Variants in USP24 observed in about 807,000 individuals in gnomAD.
USP24 encodes the protein ubiquitin specific peptidase 24.
In USP24, 97 loss-of-function variants were observed where a neutral mutation model predicts 361.6. That is an observed-to-expected ratio of 0.27 (90% confidence interval 0.23 to 0.32). The LOEUF (loss-of-function observed/expected upper bound fraction) is 0.32. USP24 is among the 10% of genes least tolerant of loss of function. The probability of loss-of-function intolerance (pLI) is 1.00; values close to 1 mark genes in which losing one functional copy is unlikely to be tolerated. For synonymous variants in USP24, 1,098 were observed against 1,124.6 expected, an observed-to-expected ratio of 0.98 and a Z score of 0.47; for missense variants, 2,353 against 3,165.6, an observed-to-expected ratio of 0.74 and a Z score of 6.16.
chr1:55,128,885 T>A (rs1646513698), intron 32 of USP24, among the ~76,000 whole-genome samples: 1 of 151,848 alleles, frequency 6.6e-6, no homozygotes, highest in South Asian at 2.1e-4. Flanking sequence ...CAACTATTTT[T>A]TTATTTTTAT....
chr1:55,204,748 T>C (rs142721702), intron 1 of USP24, among the ~76,000 whole-genome samples: 16 of 152,340 alleles, frequency 1.1e-4, no homozygotes, highest in African/African-American at 3.8e-4. Context: ...TTCTAACATC[T>C]AGCTCAGTGC....
Position 55,068,023 on chromosome 1 carries a change from A to C in USP24, c.*1022T>G, listed in dbSNP as rs983353444. 2.6e-5 allele frequency: 4 copies of C among 152,266 alleles called. No individual in the cohort carries two copies. The highest frequency in any genetic ancestry group is 9.6e-5 in the African/African-American group (4 of 41,474). The allele number at this position is 152,266 out of a possible 1,614,324, so 9.4% of individuals were successfully genotyped here. A position where few individuals can be genotyped will look rare whatever the true frequency, so the allele number is the denominator to read the frequency against. On this transcript the variant is annotated 3_prime_UTR_variant, in exon 68 of 68. Transcript: ENST00000294383. ...AATTCTCAAATTCCTTCTCTGCATT[A>C]CAATAACTATGAAACTCACAAGCAG...
chr1:55,214,972 G>A lies in USP24; in HGVS notation c.142C>T (p.Leu48Phe), dbSNP rs1209839159. 6.9e-7 allele frequency: 1 copy of A among 1,440,074 alleles called. No homozygotes were observed. Among genetic ancestry groups the A allele is most frequent in the Non-Finnish European group, 9.1e-7 (1 of 1,093,028 alleles). 89.2% of individuals were successfully genotyped at this position (1,440,074 alleles called of 1,614,324 possible). ...ATGGGCTCGTAGCCGCCGTAGTCGAGGCCCGGCCGCTCGTTGGTGAGCAGT... is the reference window on the plus strand; with the variant it reads ...ATGGGCTCGTAGCCGCCGTAGTCGAAGCCCGGCCGCTCGTTGGTGAGCAGT... Reference protein sequence around the residue: ...VALLTNERPGLDYGGYEPMDS... With the variant: ...VALLTNERPGFDYGGYEPMDS... The change falls in exon 1 of 68, where the codon CTC becomes TTC. Residue 48 changes from leucine to phenylalanine, a missense_variant. Physicochemically the swap from Leu to Phe is conservative, Grantham distance 22 (BLOSUM62 0). This residue lies in a region of USP24 where 253 missense variants were observed against 255.3 expected (regional missense o/e 0.99). Transcript: ENST00000294383.
intron 2 of USP24, 33 bp downstream of exon 2, chr1:55,177,934 T>C (rs1048503171): frequency 1.3e-6 from 2 of 1,531,530 alleles, no homozygotes; most frequent in Non-Finnish European, 1.8e-6. Flanking sequence ...ATGAAACAAA[T>C]GTCCTCATGT....
rs763624535 is a variant in USP24, at chr1:55,171,571, T to C, written c.810A>G (p.Val270=). 1.9e-6 allele frequency: 3 copies of C among 1,610,988 alleles called. No homozygotes were observed. In the Admixed American group the frequency reaches 5.0e-5, roughly 27 times the overall value. ...TGATGTTTACCTTTTGGAAAGTCGA[T>C]ACAGGTGAAACAGCAAACATATTTC... ...GEGNMFAVSP[V]STFQKEPHGW... Residue 270 remains valine, a synonymous_variant, in exon 5 of 68, where the codon GTA becomes GTG. Transcript: ENST00000294383.
chr1:55,196,433 C>T (rs1644418285), intron 1 of USP24, among the ~76,000 whole-genome samples: 1 of 152,170 alleles, frequency 6.6e-6, no homozygotes, highest in Admixed American at 6.5e-5. Flanking sequence ...TAAGAATTGA[C>T]TGTGTTGGGT....
At chr1:55,151,372 G>T (rs1181076371) in intron 16 of USP24, among the ~76,000 whole-genome samples, 1 of 152,126 alleles carries the variant, frequency 6.6e-6, no homozygotes, top group Non-Finnish European at 1.5e-5. Flanking sequence ...TCTGTACTGA[G>T]GACATCTTGC....
chr1:55,094,317 A>T (rs1313406752), intron 51 of USP24, among the ~76,000 whole-genome samples: 1 of 152,230 alleles, frequency 6.6e-6, no homozygotes, highest in East Asian at 1.9e-4. Flanking sequence ...ATTATAGAAG[A>T]TAAAATAGTG....
intron 32 of USP24, among the ~76,000 whole-genome samples, chr1:55,128,567 A>C (rs1317564425): frequency 1.3e-5 from 2 of 152,036 alleles, no homozygotes; most frequent in African/African-American, 4.8e-5. Context: ...TTCTAGGTAA[A>C]TAATTTCCCA....
intron 5 of USP24, among the ~76,000 whole-genome samples, chr1:55,170,834 A>G (rs1197747211): frequency 6.6e-6 from 1 of 152,212 alleles, no homozygotes; most frequent in Non-Finnish European, 1.5e-5. Flanking sequence ...ACTACAAGCT[A>G]GTAATCACAT....
intron 1 of USP24, among the ~76,000 whole-genome samples, chr1:55,206,449 T>C (rs1054046590): frequency 3.3e-5 from 5 of 151,800 alleles, no homozygotes; most frequent in African/African-American, 1.2e-4. Flanking sequence ...AATGGGAAAA[T>C]AGCAGCTAAA....
intron 16 of USP24, among the ~76,000 whole-genome samples, chr1:55,149,844 C>T (rs1647144256): frequency 6.6e-6 from 1 of 152,180 alleles, no homozygotes; most frequent in Admixed American, 6.5e-5. Context: ...ATTTGGATCA[C>T]TAATTTGTTA....
Position 55,089,730 on chromosome 1 carries a change from C to T in USP24, c.6565G>A (p.Glu2189Lys). ...GCTTCAATGGTAGCAATCCATTCTTCAGTATCAACCCTTTAAAAAAAAGCA... is the reference window on the plus strand; with the variant it reads ...GCTTCAATGGTAGCAATCCATTCTTTAGTATCAACCCTTTAAAAAAAAGCA... ...RTKKKLRVDTEEWIATIEALL... is the reference protein window; with the variant it reads ...RTKKKLRVDTKEWIATIEALL... The change falls in exon 55 of 68, where the codon GAA becomes AAA. Residue 2189 changes from glutamate (E) to lysine (K), a missense_variant. Transcript: ENST00000294383. The T allele has an allele frequency of 6.3e-7, 1 of 1,593,496 alleles. No homozygotes were observed. Among genetic ancestry groups the T allele is most frequent in the Non-Finnish European group, 8.6e-7 (1 of 1,169,196 alleles).
At chr1:55,208,051 G>A (rs1159870785) in intron 1 of USP24, among the ~76,000 whole-genome samples, 1 of 152,184 alleles carries the variant, frequency 6.6e-6, no homozygotes, top group Non-Finnish European at 1.5e-5. Context: ...TGGAAAGATT[G>A]TAAGAATAAT....
intron 38 of USP24, among the ~76,000 whole-genome samples, chr1:55,114,282 AG>A (rs1191433048): frequency 2.6e-5 from 4 of 152,368 alleles, no homozygotes; most frequent in African/African-American, 9.6e-5. Context: ...GCTCGTGCCC[AG>A]GAAGAATCAA....
At chr1:55,076,191 C>G (rs1406160247) in intron 62 of USP24, among the ~76,000 whole-genome samples, 1 of 152,104 alleles carries the variant, frequency 6.6e-6, no homozygotes, top group African/African-American at 2.4e-5. Context: ...CTCTAACTTG[C>G]TTAGTAAAAA....
At chr1:55,201,983 A>C (rs1157880448) in intron 1 of USP24, among the ~76,000 whole-genome samples, 1 of 152,144 alleles carries the variant, frequency 6.6e-6, no homozygotes, top group African/African-American at 2.4e-5. Context: ...ACACAGTGCT[A>C]TGGAATAGCC....
rs1183312158 is a variant in USP24, at chr1:55,123,511, C to T, written c.4212G>A (p.Ser1404=). Residue 1404 remains serine, a synonymous_variant, in exon 36 of 68, where the codon TCG becomes TCA. Coordinates refer to ENST00000294383, the MANE Select transcript of USP24 (RefSeq NM_015306.3). ...GAGACAAAGCCTCTCCCGCAATCAG[C>T]GAGTCTTTGGTGGATACAGACTGTT... ...VRQQSVSTKD[S]LIAGEALSLL... 5.0e-6 allele frequency: 8 copies of T among 1,603,836 alleles called. No individual in the cohort carries two copies. The highest frequency in any genetic ancestry group is 4.5e-5 in the South Asian group (4 of 88,582).
chr1:55,124,340 A>C, intron 35 of USP24, 129 bp downstream of exon 35: 1 of 1,115,310 alleles, frequency 9.0e-7, no homozygotes, highest in Admixed American at 2.7e-5. Flanking sequence ...AGCTTGATGA[A>C]TTTTTACTCA....
Sources: allele counts gnomAD v4.1 joint callset (sites outside exome capture counted in the v4.1 genomes callset), GRCh38; gene constraint gnomAD v4.1.1; regional missense constraint gnomAD v4.1.1; transcripts MANE v1.5; gene names NCBI Gene and HGNC (gene_info 2026-07-23, HGNC 2026-07-21).